ZNF425: variants seen among roughly 807,000 people sequenced by gnomAD.
ZNF425 encodes the protein zinc finger protein 425.
In ZNF425, 21 loss-of-function variants were observed where a neutral mutation model predicts 17.0. The observed-to-expected ratio is 1.23, with a 90% CI of 0.88 to 1.78. ZNF425 has a LOEUF of 1.78. Ranked by LOEUF, ZNF425 falls within the 40% of genes most tolerant of loss-of-function variation. The pLI is 0.00. For synonymous variants in ZNF425, 433 were observed against 384.1 expected (o/e 1.13, Z -1.49); for missense variants, 868 against 967.3 (o/e 0.90, Z 1.36).
rs1008169473 is a variant in ZNF425, at chr7:149,113,250, C to G, written c.146-955G>C. The G allele has an allele frequency of 2.1e-4, 32 of 152,038 alleles. 1 individual carries two copies. The highest frequency in any genetic ancestry group is 1.9e-3 in the Admixed American group (29 of 15,218). 9.4% of individuals were successfully genotyped at this position (152,038 alleles called of 1,614,324 possible). On this transcript the variant is annotated intron_variant, in intron 2 of 3. Transcript: ENST00000378061. ...TCAGCTTCCCAAAGTGCTAGGATTA[C>G]AGGCATGAGCCACCGTGCCCGGCCT...
intron 3 of ZNF425, among the ~76,000 whole-genome samples, chr7:149,107,616 C>G (rs567011222): frequency 6.6e-6 from 1 of 152,040 alleles, no homozygotes; most frequent in Non-Finnish European, 1.5e-5. Context: ...GGATTACAGG[C>G]ATAAGCCACC....
At chr7:149,126,040 A>C (rs967309749) in intron 1 of ZNF425, 156 bp downstream of exon 1, 8 of 1,438,524 alleles carry the variant, frequency 5.6e-6, no homozygotes, top group Non-Finnish European at 7.7e-6. Context: ...GCAAGACTGC[A>C]CCTTCTCCAG....
Position 149,104,116 on chromosome 7 carries a change from AC to A in ZNF425, c.1754del (p.Gly585ValfsTer17), listed in dbSNP as rs1276789317. 6.2e-7 allele frequency: 1 copy of A among 1,611,538 alleles called. No individual in the cohort carries two copies. The highest frequency in any genetic ancestry group is 1.1e-5 in the South Asian group (1 of 91,012). On this transcript the variant is annotated frameshift_variant, in exon 4 of 4. Transcript: ENST00000378061. LOFTEE classifies it low-confidence loss of function (END_TRUNC). This position sits in a 1 kb window ranked among gnomAD's most constrained non-coding sequence, Gnocchi z 4.3. ...MHRDEKPFAC[G>X]ECDKTYTHQS... The stretch of plus-strand genomic sequence containing the variant: ...GATGCGTGTAGGTCTTGTCACACTC[AC>A]CGCACGCGAAGGGCTTCTCGTCCCT...
Position 149,104,860 on chromosome 7 carries a change from C to T in ZNF425, c.1011G>A (p.Arg337=), listed in dbSNP as rs200855657. The part of the protein sequence containing the change: ...EKPFQCPQCD[R]CFRLKRGMKV... ...TCATGCCCCTCTTCAGGCGGAAGCA[C>T]CGGTCACACTGCGGACACTGGAAGG... Residue 337 remains arginine (R), a synonymous_variant, in exon 4 of 4, where the codon CGG becomes CGA. Transcript: ENST00000378061. This position sits in a 1 kb window ranked among gnomAD's most constrained non-coding sequence, Gnocchi z 4.3. The T allele has an allele frequency of 1.2e-4, 187 of 1,613,642 alleles. No homozygotes were observed. Among genetic ancestry groups the T allele is most frequent in the Middle Eastern group, 4.9e-4 (3 of 6,084 alleles).
chr7:149,116,590 A>C (rs764100063), intron 2 of ZNF425, among the ~76,000 whole-genome samples: 2 of 152,150 alleles, frequency 1.3e-5, no homozygotes, highest in Non-Finnish European at 2.9e-5. Context: ...GCTGTCCACT[A>C]TGATTCATTC....
At chr7:149,122,636 C>T (rs555670212) in intron 1 of ZNF425, among the ~76,000 whole-genome samples, 15 of 152,248 alleles carry the variant, frequency 9.9e-5, no homozygotes, top group African/African-American at 3.1e-4. Context: ...AGATTTTCTC[C>T]AGTGTCACCT....
Position 149,103,798 on chromosome 7 carries a change from C to T in ZNF425, c.2073G>A (p.Glu691=). The change falls in exon 4 of 4, where the codon GAG becomes GAA. Residue 691 remains glutamate (E), a synonymous_variant. Transcript: ENST00000378061. Reference sequence around the variant, plus strand: ...CACACTCGGGACACTGGAAGGGCCTCTCTCCACTGTGCTTATACAAGTGGA... The same window carrying T: ...CACACTCGGGACACTGGAAGGGCCTTTCTCCACTGTGCTTATACAAGTGGA... ...LKVHLYKHSG[E]RPFQCPECGK... is the part of the protein sequence containing the mutation. 2 of 1,614,184 alleles carry T rather than the reference C, an allele frequency of 1.2e-6. No homozygotes were observed. The highest frequency in any genetic ancestry group is 1.7e-6 in the Non-Finnish European group (2 of 1,180,038).
In ZNF425 at chr7:149,105,172, G is replaced by T; in HGVS notation, c.699C>A (p.Leu233=). 4.3e-6 allele frequency: 7 copies of T among 1,614,216 alleles called. No homozygotes were observed. The highest frequency in any genetic ancestry group is 4.2e-6 in the Non-Finnish European group (5 of 1,180,048). The change falls in exon 4 of 4, where the codon CTC becomes CTA. Residue 233 remains leucine (L), a synonymous_variant. Transcript: ENST00000378061. ...YKNSSRGKSE[L]RRTQRLLCQK... is the part of the protein sequence containing the mutation. ...GACACAGGAGCCTCTGCGTCCGCCT[G>T]AGTTCGGACTTCCCTCTGGACGAGT...
intron 1 of ZNF425, among the ~76,000 whole-genome samples, chr7:149,124,421 C>T (rs1826417205): frequency 6.6e-6 from 1 of 152,358 alleles, no homozygotes; most frequent in South Asian, 2.1e-4. Context: ...ACCCAAAGTG[C>T]TGGGATTACA....
intron 1 of ZNF425, among the ~76,000 whole-genome samples, chr7:149,120,992 A>C (rs1249419843): frequency 1.0e-5 from 1 of 99,816 alleles, no homozygotes; most frequent in Non-Finnish European, 2.5e-5. Flanking sequence ...CCAGGACTAC[A>C]ACTGCTGTGT....
intron 1 of ZNF425, among the ~76,000 whole-genome samples, chr7:149,121,742 C>T (rs1304309123): frequency 1.3e-5 from 2 of 152,118 alleles, no homozygotes; most frequent in East Asian, 1.9e-4. Flanking sequence ...TTAGCACCAT[C>T]GCCAGCATTT....
intron 1 of ZNF425, among the ~76,000 whole-genome samples, chr7:149,123,392 A>G (rs977447584): frequency 1.3e-5 from 2 of 152,222 alleles, no homozygotes; most frequent in Admixed American, 1.3e-4. Context: ...TCTCCCAATA[A>G]GAGAATCTAG....
At chr7:149,105,956 CCT>C (rs1491441481) in intron 3 of ZNF425, among the ~76,000 whole-genome samples, 5,902 of 66,078 alleles carry the variant, frequency 0.089, 366 homozygotes, top group African/African-American at 0.22. Context: ...AAATTTTTTT[CCT>C]TTTTTTTTTT....
At chr7:149,125,097 T>C (rs923709347) in intron 1 of ZNF425, among the ~76,000 whole-genome samples, 1 of 152,136 alleles carries the variant, frequency 6.6e-6, no homozygotes, top group Non-Finnish European at 1.5e-5. Context: ...AAAGAAAGCC[T>C]GGCTGTAGAA....
intron 3 of ZNF425, among the ~76,000 whole-genome samples, chr7:149,110,880 C>T (rs1469542061): frequency 1.3e-5 from 2 of 151,116 alleles, no homozygotes; most frequent in Non-Finnish European, 2.9e-5. Context: ...CTGCAAACTC[C>T]GCCTCCTGCA....
chr7:149,107,834 C>CCATT (rs1826106027), intron 3 of ZNF425, among the ~76,000 whole-genome samples: 2 of 92,310 alleles, frequency 2.2e-5, no homozygotes, highest in Non-Finnish European at 4.8e-5. Flanking sequence ...GAACTCTCTC[C>CCATT]CATTTATTTA....
rs150740396 is a variant in ZNF425, at chr7:149,103,750, T to C, written c.2121A>G (p.Arg707=). The C allele has an allele frequency of 6.2e-7, 1 of 1,614,130 alleles. No individual in the cohort carries two copies. Among genetic ancestry groups the C allele is most frequent in the African/African-American group, 1.3e-5 (1 of 75,042 alleles). Residue 707 remains arginine (R), a synonymous_variant, in exon 4 of 4, where the codon AGA becomes AGG. Transcript: ENST00000378061. ...PECGKGFLQK[R]SLKAHLCLHS... ...GAAGGCACAGATGGGCCTTCAGGCT[T>C]CTCTTCTGGAGGAAGCCTTTGCCAC...
intron 2 of ZNF425, among the ~76,000 whole-genome samples, chr7:149,113,878 G>A (rs910974583): frequency 2.6e-5 from 4 of 151,590 alleles, no homozygotes; most frequent in Non-Finnish European, 5.9e-5. Flanking sequence ...AGCCAGGTGC[G>A]GTGGTGTATG....
chr7:149,122,750 C>T (rs1826380726), intron 1 of ZNF425, among the ~76,000 whole-genome samples: 1 of 151,954 alleles, frequency 6.6e-6, no homozygotes, highest in African/African-American at 2.4e-5. Context: ...GGTTGGAGTG[C>T]AATGGCGCAA....
Sources: gnomAD v4.1 joint callset for allele counts (sites outside exome capture counted in the v4.1 genomes callset) on GRCh38, gnomAD v4.1.1 for gene constraint, Gnocchi (gnomAD v3.1) non-coding constraint, MANE v1.5 for transcripts, NCBI Gene and HGNC (gene_info 2026-07-23, HGNC 2026-07-21) for gene names.